HSPH1: variants seen among roughly 807,000 people sequenced by gnomAD.
The protein encoded by HSPH1 is heat shock protein family H (Hsp110) member 1, also known as heat shock protein 105 kDa.
A neutral mutation model predicts 100.0 loss-of-function variants in HSPH1; 40 were observed. That is an observed-to-expected ratio of 0.40 (90% CI 0.31 to 0.52). The LOEUF is 0.52. Ranked by LOEUF, HSPH1 falls within the 20% of genes least tolerant of loss-of-function variation. HSPH1 has a pLI of 0.54. For synonymous variants in HSPH1, 403 were observed against 344.0 expected, an observed-to-expected ratio of 1.17 and a Z score of -1.90; for missense variants, 876 against 1,015.1, an observed-to-expected ratio of 0.86 and a Z score of 1.86.
At chr13:31,140,940 G>A in intron 13 of HSPH1, 182 bp downstream of exon 13, 1 of 416,756 alleles carries the variant, frequency 2.4e-6, no homozygotes, top group Non-Finnish European at 4.2e-6. Context: ...CAAGCAGAAA[G>A]ATTTTTTTGT....
chr13:31,142,924 CAG>C lies in HSPH1; in HGVS notation c.1716+866_1716+867del, dbSNP rs370280731. ...AAAACAGAGAGCAGCTTTCAGAAAT[CAG>C]AGTCAGGACCCATAGCTCACATTGG... On this transcript the variant is annotated intron_variant, in intron 12 of 17. Transcript: ENST00000320027. Among the ~76,000 whole-genome samples, 252 of 152,174 alleles carry C rather than the reference CAG, an allele frequency of 1.7e-3. 2 individuals are homozygous for C. Among genetic ancestry groups the C allele is most frequent in the African/African-American group, 5.9e-3 (243 of 41,536 alleles).
In HSPH1 at chr13:31,140,306, T is replaced by C. The variant is rs1462042267; in HGVS notation, c.1858A>G (p.Lys620Glu). Residue 620 changes from lysine (K) to glutamate (E), a missense_variant, in exon 14 of 18, where the codon AAG becomes GAG. By Grantham distance (56) the Lys-to-Glu change is moderately conservative (BLOSUM62 1). Transcript: ENST00000320027. Reference protein sequence around the residue: ...LLNMYIETEGKMIMQDKLEKE... With the variant: ...LLNMYIETEGEMIMQDKLEKE... Reference sequence around the variant, plus strand: ...TCCAATTTATCTTGCATTATCATCTTACCCTGTCAGGAAACAGGAAAGGTT... The same window carrying C: ...TCCAATTTATCTTGCATTATCATCTCACCCTGTCAGGAAACAGGAAAGGTT... 5.6e-6 allele frequency: 9 copies of C among 1,608,964 alleles called. No individual in the cohort carries two copies. Among genetic ancestry groups the C allele is most frequent in the Non-Finnish European group, 7.6e-6 (9 of 1,177,852 alleles).
chr13:31,137,498 A>G lies in HSPH1; in HGVS notation c.2397T>C (p.Val799=). 6.2e-7 allele frequency: 1 copy of G among 1,613,578 alleles called. No individual in the cohort carries two copies. Among genetic ancestry groups the G allele is most frequent in the Non-Finnish European group, 8.5e-7 (1 of 1,179,684 alleles). The change falls in exon 18 of 18, where the codon GTT becomes GTC. Residue 799 remains valine, a synonymous_variant. Transcript: ENST00000320027. ...IKELNNTCEP[V]VTQPKPKIES... ...CAATTTTTGGTTTCGGTTGTGTTACAACGGGTTCACATGTGTTGTTCAATT... is the reference window on the plus strand; with the variant it reads ...CAATTTTTGGTTTCGGTTGTGTTACGACGGGTTCACATGTGTTGTTCAATT...
rs935576385 is a variant in HSPH1 at position 31,151,256 on chromosome 13, A to C, written c.664-65T>G. 3 of 1,283,128 alleles carry C rather than the reference A, an allele frequency of 2.3e-6. No homozygotes were observed. In the African/African-American group the frequency reaches 4.5e-5, roughly 19 times the overall value. The allele number at this position is 1,283,128 out of a possible 1,614,324, so 79.5% of individuals were successfully genotyped here. On this transcript the variant is annotated intron_variant, in intron 6 of 17. Coordinates refer to ENST00000320027, the MANE Select transcript of HSPH1 (RefSeq NM_006644.4). ...ATCACATTTGTAACTAGAATCTTAA[A>C]TATTACTACTCAAACAATGAAAGAC... is the stretch of plus-strand genomic sequence containing the variant.
At chr13:31,161,941 G>T (rs564862731), upstream of HSPH1, 2 of 1,535,356 alleles carry the variant, frequency 1.3e-6, no homozygotes, top group East Asian at 2.4e-5. Flanking sequence ...CTTATGTATC[G>T]CACTGATCAG....
intron 1 of HSPH1, among the ~76,000 whole-genome samples, chr13:31,159,299 T>TA (rs1486668477): frequency 1.3e-5 from 2 of 152,358 alleles, no homozygotes; most frequent in East Asian, 3.9e-4. Context: ...CCGGCTTCTT[T>TA]AGGAATCAAA....
intron 12 of HSPH1, among the ~76,000 whole-genome samples, chr13:31,141,898 T>A (rs1270461553): frequency 6.6e-6 from 1 of 151,880 alleles, no homozygotes; most frequent in African/African-American, 2.4e-5. Context: ...AAGAGATGAG[T>A]CTTAAAGTAG....
rs920297125 is a variant in HSPH1 at position 31,140,173 on chromosome 13, C to G, written c.1980+11G>C. 23 of 1,608,582 alleles carry G rather than the reference C, an allele frequency of 1.4e-5. No homozygotes were observed. Among genetic ancestry groups the G allele is most frequent in the Non-Finnish European group, 1.9e-5 (22 of 1,176,750 alleles). On this transcript the variant is annotated intron_variant, in intron 14 of 17. Coordinates refer to ENST00000320027, the MANE Select transcript of HSPH1 (RefSeq NM_006644.4). ...AGACTATCTGAACAAAAACAGAGCTCTAAGACATACCTGCTCACATATAAA... is the reference window on the plus strand; with the variant it reads ...AGACTATCTGAACAAAAACAGAGCTGTAAGACATACCTGCTCACATATAAA...
At chr13:31,144,674 A>T (rs1444467279) in intron 11 of HSPH1, among the ~76,000 whole-genome samples, 1 of 151,954 alleles carries the variant, frequency 6.6e-6, no homozygotes, top group South Asian at 2.1e-4. Context: ...TCCACACTGA[A>T]CTCTCTCATA....
intron 3 of HSPH1, 108 bp downstream of exon 3, chr13:31,155,405 CA>C (rs1647314439): frequency 2.4e-6 from 2 of 818,270 alleles, no homozygotes; most frequent in South Asian, 4.2e-5. Context: ...AAAAAAAGAA[CA>C]AAAAGACCAC....
At chr13:31,145,838 A>C (rs984783332) in intron 10 of HSPH1, 70 bp from the exon 11 acceptor site, 18 of 1,434,446 alleles carry the variant, frequency 1.3e-5, no homozygotes, top group East Asian at 2.4e-5. Flanking sequence ...TCTGTAGAGG[A>C]GGCCAGGTGG....
chr13:31,137,603 C>T, intron 17 of HSPH1, 79 bp from the exon 18 acceptor site: 2 of 1,013,256 alleles, frequency 2.0e-6, no homozygotes, highest in Non-Finnish European at 1.5e-6. Context: ...ACATACTCAA[C>T]CCACTATTTT....
At position 31,150,031 on chromosome 13, in the gene HSPH1, T is replaced by A; in HGVS notation, c.1060A>T (p.Ile354Phe). Residue 354 changes from isoleucine (I) to phenylalanine (F), a missense_variant, in exon 8 of 18, where the codon ATT becomes TTT. Coordinates refer to ENST00000320027, the MANE Select transcript of HSPH1 (RefSeq NM_006644.4). Reference protein sequence around the residue: ...ATRIPAVKERIAKFFGKDIST... With the variant: ...ATRIPAVKERFAKFFGKDIST... ...ATATCTTTTCCAAAGAATTTGGCAA[T>A]TCTTTCCTTCACAGCTGGAATTCGT... 2.5e-6 allele frequency: 4 copies of A among 1,613,918 alleles called. No homozygotes were observed. Among genetic ancestry groups the A allele is most frequent in the Non-Finnish European group, 2.5e-6 (3 of 1,179,858 alleles).
At chr13:31,138,681 A>C (rs141082628) in intron 16 of HSPH1, 100 bp downstream of exon 16, 6 of 1,527,740 alleles carry the variant, frequency 3.9e-6, no homozygotes, top group East Asian at 2.3e-5. Flanking sequence ...CAAATACCAA[A>C]ATTTCAAAGT....
At chr13:31,149,509 C>T (rs4555018) in intron 8 of HSPH1, among the ~76,000 whole-genome samples, 40,803 of 151,934 alleles carry the variant, frequency 0.27, 5,724 homozygotes, top group East Asian at 0.46. Flanking sequence ...ATCTGATAAG[C>T]AGATTAAAAA....
chr13:31,139,163 C>A, intron 14 of HSPH1, 56 bp from the exon 15 acceptor site: 1 of 1,114,720 alleles, frequency 9.0e-7, no homozygotes, highest in East Asian at 2.4e-5. Flanking sequence ...TTTTTCACAA[C>A]AAAACAAAGA....
intron 13 of HSPH1, 28 bp from the exon 14 acceptor site, chr13:31,140,337 C>CTGTTTCT: frequency 6.3e-7 from 1 of 1,599,124 alleles, no homozygotes; most frequent in African/African-American, 1.3e-5. Flanking sequence ...AGGTTAATTC[C>CTGTTTCT]AGTCTTCTAG....
In HSPH1 at chr13:31,141,378, A is replaced by C. The variant is rs979084951; in HGVS notation, c.1717-119T>G. On this transcript the variant is annotated intron_variant, in intron 12 of 17. Transcript: ENST00000320027. ...AAAAATAAAATCTCTAAAAATCATA[A>C]AGTTGGAAGGATCTACAGGATCACC... 11 of 820,114 alleles carry C rather than the reference A, an allele frequency of 1.3e-5. No individual in the cohort carries two copies. In the African/African-American group the frequency reaches 1.4e-4, roughly 10 times the overall value. The allele number at this position is 820,114 out of a possible 1,614,324, so 50.8% of individuals were successfully genotyped here.
rs1378223523 is a variant in HSPH1, at chr13:31,161,885, C to T, written c.-303G>A. ...TCTGCCGCGGCTCGCACACCGGCGC[C>T]GGCGCTGAACTACCGACCCAAAAGG... On this transcript the variant is annotated 5_prime_UTR_variant, in exon 1 of 18. Coordinates refer to ENST00000320027, the MANE Select transcript of HSPH1 (RefSeq NM_006644.4). 4.7e-6 allele frequency: 7 copies of T among 1,488,818 alleles called. No individual in the cohort carries two copies. The South Asian group carries it at 5.1e-5, about 11-fold the overall frequency. 92.2% of individuals were successfully genotyped at this position (1,488,818 alleles called of 1,614,324 possible). A position where few individuals can be genotyped will look rare whatever the true frequency, so the allele number is the denominator to read the frequency against.
Sources: allele counts gnomAD v4.1 joint callset (sites outside exome capture counted in the v4.1 genomes callset), GRCh38; gene constraint gnomAD v4.1.1; transcripts MANE v1.5; gene names NCBI Gene and HGNC (gene_info 2026-07-23, HGNC 2026-07-21).